PAG1: variants seen among roughly 807,000 people sequenced by gnomAD.
PAG1 encodes phosphoprotein associated with glycosphingolipid-enriched microdomains 1.
Under a neutral mutation model 31.7 loss-of-function variants are expected in PAG1, and 23 were observed. The ratio of observed to expected loss-of-function variants is 0.73; its 90% CI spans 0.52 to 1.03. The LOEUF is 1.03. Ranked by LOEUF, PAG1 falls within the 50% of genes least tolerant of loss-of-function variation. The pLI is 0.00. For missense variants in PAG1, 473 were observed against 540.7 expected (o/e 0.87, Z 1.24); for synonymous variants, 214 against 210.3 (o/e 1.02, Z -0.15).
intron 5 of PAG1, 78 bp from the exon 6 acceptor site, chr8:80,987,544 A>G (rs1054829812): frequency 9.9e-7 from 1 of 1,005,466 alleles, no homozygotes; most frequent in Non-Finnish European, 1.5e-6. Flanking sequence ...GAGAAGATCC[A>G]TGGCTTTTTC....
intron 1 of PAG1, among the ~76,000 whole-genome samples, chr8:81,109,597 C>T (rs142828480): frequency 3.3e-5 from 5 of 152,348 alleles, no homozygotes; most frequent in Non-Finnish European, 7.4e-5. Context: ...TATTCATCAG[C>T]AGCAATTCAA....
At chr8:81,092,831 T>C (rs1194713130) in intron 1 of PAG1, among the ~76,000 whole-genome samples, 4 of 152,240 alleles carry the variant, frequency 2.6e-5, no homozygotes, top group Non-Finnish European at 4.4e-5. Flanking sequence ...CGATTTCTTG[T>C]GGTAGTGAGC....
chr8:81,012,101 A>G (rs1807996000), intron 3 of PAG1, among the ~76,000 whole-genome samples: 1 of 152,228 alleles, frequency 6.6e-6, no homozygotes, highest in African/African-American at 2.4e-5. Context: ...TGGGAGGTAC[A>G]TTGCAGAAAG....
intron 3 of PAG1, among the ~76,000 whole-genome samples, chr8:80,996,229 G>C (rs902440594): frequency 4.6e-5 from 7 of 152,232 alleles, no homozygotes; most frequent in Non-Finnish European, 1.0e-4. Flanking sequence ...GGGTTGAGTG[G>C]CTGCACCAGC....
intron 2 of PAG1, among the ~76,000 whole-genome samples, chr8:81,054,134 A>T (rs1304098033): frequency 6.6e-6 from 1 of 152,188 alleles, no homozygotes; most frequent in African/African-American, 2.4e-5. Context: ...GGACAAGATC[A>T]CCCAGGAAGA....
At position 80,993,262 on chromosome 8, in the gene PAG1, C is replaced by A. The variant is rs1308483135; in HGVS notation, c.-35G>T. The A allele has an allele frequency of 6.3e-7, 1 of 1,580,082 alleles. No homozygotes were observed. The highest frequency in any genetic ancestry group is 8.6e-7 in the Non-Finnish European group (1 of 1,164,834). ...AGGCACTGGCACCAGCCGAGGGAATCAGTCAGTCCTTCAAAGGTGGTGACA... is the reference window on the plus strand; with the variant it reads ...AGGCACTGGCACCAGCCGAGGGAATAAGTCAGTCCTTCAAAGGTGGTGACA... On this transcript the variant is annotated 5_prime_UTR_variant, in exon 4 of 9. Coordinates refer to ENST00000220597, the MANE Select transcript of PAG1 (RefSeq NM_018440.4).
At chr8:81,080,689 T>C (rs1350547077) in intron 1 of PAG1, among the ~76,000 whole-genome samples, 2 of 152,204 alleles carry the variant, frequency 1.3e-5, no homozygotes, top group African/African-American at 4.8e-5. Context: ...GCCTGGATTT[T>C]TACATATCTC....
chr8:80,988,362 T>C (rs890063750), intron 5 of PAG1, among the ~76,000 whole-genome samples: 3 of 152,270 alleles, frequency 2.0e-5, no homozygotes, highest in African/African-American at 4.8e-5. Context: ...GATAAGGCTA[T>C]TGATTTCTGA....
intron 1 of PAG1, among the ~76,000 whole-genome samples, chr8:81,082,690 A>G (rs1301875596): frequency 6.6e-6 from 1 of 152,112 alleles, no homozygotes; most frequent in Non-Finnish European, 1.5e-5. Flanking sequence ...TGTCCAGCCC[A>G]TCCACTGAGA....
intron 1 of PAG1, among the ~76,000 whole-genome samples, chr8:81,084,352 C>A (rs1472810034): frequency 6.6e-6 from 1 of 152,018 alleles, no homozygotes; most frequent in African/African-American, 2.4e-5. Flanking sequence ...GCTGAAAAGG[C>A]TGCATCCAAT....
intron 2 of PAG1, among the ~76,000 whole-genome samples, chr8:81,032,005 A>T (rs544487290): frequency 6.6e-6 from 1 of 152,370 alleles, no homozygotes; most frequent in South Asian, 2.1e-4. Flanking sequence ...TGGAACAACT[A>T]GACAGCCATA....
rs1275299372 is a variant in PAG1 at position 80,971,391 on chromosome 8, C to CT, written c.*5152dup. 6.6e-6 allele frequency: 1 copy of CT among 152,020 alleles called. No individual in the cohort carries two copies. The highest frequency in any genetic ancestry group is 2.4e-5 in the African/African-American group (1 of 41,388). The allele number at this position is 152,020 out of a possible 1,614,324, so 9.4% of individuals were successfully genotyped here. ...ATGCCAATTCCTATTTATAACAGAC[C>CT]TTTTTTGTTTAGATATATTTCAAGT... On this transcript the variant is annotated 3_prime_UTR_variant, in exon 9 of 9. Transcript: ENST00000220597.
At chr8:81,000,443 CT>C (rs1807764617) in intron 3 of PAG1, among the ~76,000 whole-genome samples, 1 of 152,002 alleles carries the variant, frequency 6.6e-6, no homozygotes, top group Non-Finnish European at 1.5e-5. Context: ...GAGACAGCAT[CT>C]TCCTCTGTCG....
chr8:81,048,326 C>G (rs1001275254), intron 2 of PAG1, among the ~76,000 whole-genome samples: 1 of 152,058 alleles, frequency 6.6e-6, no homozygotes, highest in African/African-American at 2.4e-5. Flanking sequence ...CATATAATAC[C>G]TCTCTTTCCA....
chr8:80,990,792 T>C lies in PAG1; in HGVS notation c.177+687A>G, dbSNP rs1807530133. ...CCTCCAGCTTAATGACCTGTTGTTATGGGTTGAACTGTGTCTCTCCAAAAT... is the reference window on the plus strand; with the variant it reads ...CCTCCAGCTTAATGACCTGTTGTTACGGGTTGAACTGTGTCTCTCCAAAAT... On this transcript the variant is annotated intron_variant, in intron 5 of 8. Coordinates refer to ENST00000220597, the MANE Select transcript of PAG1 (RefSeq NM_018440.4). The surrounding 1 kb of genome is among the most constrained non-coding windows in gnomAD (Gnocchi z 5.1). Among the ~76,000 whole-genome samples, 1 of 152,158 alleles carries C rather than the reference T, an allele frequency of 6.6e-6. No homozygotes were observed. Among genetic ancestry groups the C allele is most frequent in the Non-Finnish European group, 1.5e-5 (1 of 68,014 alleles).
intron 2 of PAG1, among the ~76,000 whole-genome samples, chr8:81,049,167 TC>T (rs1281133903): frequency 6.6e-6 from 1 of 152,202 alleles, no homozygotes; most frequent in Admixed American, 6.5e-5. Flanking sequence ...CGATAGATTT[TC>T]TTCATCAAAA....
At chr8:81,063,509 G>A (rs1002828568) in intron 2 of PAG1, among the ~76,000 whole-genome samples, 5 of 152,194 alleles carry the variant, frequency 3.3e-5, no homozygotes, top group African/African-American at 1.2e-4. Context: ...ATAAGACGGA[G>A]TGGGAGTCTC....
chr8:81,040,523 G>A (rs990135157), intron 2 of PAG1, among the ~76,000 whole-genome samples: 4 of 152,104 alleles, frequency 2.6e-5, no homozygotes, highest in South Asian at 2.1e-4. Flanking sequence ...GCCATGTCCC[G>A]ATGAGGCATA....
intron 2 of PAG1, among the ~76,000 whole-genome samples, chr8:81,057,087 T>G (rs1164749451): frequency 2.6e-5 from 4 of 152,172 alleles, no homozygotes; most frequent in African/African-American, 9.7e-5. Context: ...CTGGAGAGGA[T>G]GTGAAGAAAT....
Sources: gnomAD v4.1 joint callset for allele counts (sites outside exome capture counted in the v4.1 genomes callset) on GRCh38, gnomAD v4.1.1 for gene constraint, Gnocchi (gnomAD v3.1) non-coding constraint, MANE v1.5 for transcripts, NCBI Gene and HGNC (gene_info 2026-07-23, HGNC 2026-07-21) for gene names.